The following CALN1 variants were observed in gnomAD, a reference collection of about 807,000 sequenced individuals.
The protein encoded by CALN1 is calcium-binding protein 8.
Under a neutral mutation model 30.6 loss-of-function variants are expected in CALN1, and 17 were observed. That is an observed-to-expected ratio of 0.56 (90% CI 0.38 to 0.83). The LOEUF is 0.83. Ranked by LOEUF, CALN1 falls within the 40% of genes least tolerant of loss-of-function variation. The pLI is 0.00. For missense variants in CALN1, 291 were observed against 354.9 expected (o/e 0.82, Z 1.45); for synonymous variants, 156 against 131.4 (o/e 1.19, Z -1.28).
At chr7:72,149,085 C>G (rs1256483153) in intron 3 of CALN1, among the ~76,000 whole-genome samples, 1 of 152,108 alleles carries the variant, frequency 6.6e-6, no homozygotes, top group Admixed American at 6.6e-5. Context: ...CACCTTCTGC[C>G]ATAAGTATAA....
chr7:72,023,829 G>A, intron 4 of CALN1, 60 bp from the exon 5 acceptor site: 1 of 1,228,910 alleles, frequency 8.1e-7, no homozygotes. Flanking sequence ...TACCGTACCT[G>A]ATGCAATAAA....
intron 3 of CALN1, among the ~76,000 whole-genome samples, chr7:72,138,894 G>A (rs1358276769): frequency 7.1e-6 from 1 of 140,242 alleles, no homozygotes; most frequent in African/African-American, 2.7e-5. Flanking sequence ...TAATGGGCCA[G>A]GACTGCCCAC....
At chr7:72,264,084 C>G (rs1019386740) in intron 3 of CALN1, among the ~76,000 whole-genome samples, 2 of 152,128 alleles carry the variant, frequency 1.3e-5, no homozygotes, top group African/African-American at 4.8e-5. Context: ...TCCACACGAC[C>G]GAGCCAAAAC....
At chr7:72,390,199 G>C (rs561447994) in intron 2 of CALN1, among the ~76,000 whole-genome samples, 1 of 152,030 alleles carries the variant, frequency 6.6e-6, no homozygotes, top group South Asian at 2.1e-4. Context: ...GGGAGGCCGA[G>C]GCGGGTGAAT....
intron 4 of CALN1, among the ~76,000 whole-genome samples, chr7:72,054,008 T>TA (rs1563014656): frequency 6.6e-6 from 1 of 152,168 alleles, no homozygotes; most frequent in African/African-American, 2.4e-5. Flanking sequence ...ATCGTATATA[T>TA]AGATATATAC....
At chr7:72,315,915 G>A (rs1380292902) in intron 2 of CALN1, among the ~76,000 whole-genome samples, 6 of 152,242 alleles carry the variant, frequency 3.9e-5, no homozygotes, top group African/African-American at 1.2e-4. Context: ...GGGAGGCTGA[G>A]GCAGGAGGAT....
At chr7:71,954,594 G>A (rs993073851) in intron 5 of CALN1, among the ~76,000 whole-genome samples, 1 of 152,252 alleles carries the variant, frequency 6.6e-6, no homozygotes, top group Non-Finnish European at 1.5e-5. Flanking sequence ...CATGGCTCCA[G>A]TGAGCTGTGA....
intron 6 of CALN1, among the ~76,000 whole-genome samples, chr7:71,808,368 T>C (rs1280874594): frequency 1.3e-5 from 2 of 151,490 alleles, no homozygotes; most frequent in Non-Finnish European, 2.9e-5. Flanking sequence ...TAATTATTAA[T>C]AAACATTAAT....
chr7:72,464,750 T>G, the CALN1 span, among the ~76,000 whole-genome samples: 1 of 152,238 alleles, frequency 6.6e-6, no homozygotes, highest in African/African-American at 2.4e-5. Context: ...CAGGAGGAAC[T>G]GGCACTGATA....
intron 3 of CALN1, among the ~76,000 whole-genome samples, chr7:72,261,978 G>C (rs569329118): frequency 1.3e-5 from 2 of 152,174 alleles, no homozygotes; most frequent in African/African-American, 4.8e-5. Context: ...CCAGCAACAC[G>C]GATGGTTGGG....
intron 3 of CALN1, among the ~76,000 whole-genome samples, chr7:72,278,019 G>GGGA (rs1797465967): frequency 1.7e-5 from 2 of 118,056 alleles, no homozygotes; most frequent in Non-Finnish European, 1.9e-5. Flanking sequence ...GGGGGGGGGG[G>GGGA]ACTTGTTTTT....
At chr7:71,895,264 A>AT (rs1175829658) in intron 5 of CALN1, among the ~76,000 whole-genome samples, 2 of 151,370 alleles carry the variant, frequency 1.3e-5, no homozygotes, top group African/African-American at 4.9e-5. Context: ...CTTGAATTTC[A>AT]TTTTCAATTT....
At chr7:72,472,223 C>T in the CALN1 span, among the ~76,000 whole-genome samples, 13 of 152,160 alleles carry the variant, frequency 8.5e-5, no homozygotes, top group African/African-American at 3.1e-4. Flanking sequence ...TCACCAAAAC[C>T]TTCCCACCCG....
At chr7:72,021,429 T>C (rs763285275) in intron 5 of CALN1, among the ~76,000 whole-genome samples, 1 of 152,038 alleles carries the variant, frequency 6.6e-6, no homozygotes, top group Non-Finnish European at 1.5e-5. Context: ...TGGGAAACAA[T>C]ATTCCTTCAT....
At chr7:72,088,160 CCT>C (rs1427746699) in intron 4 of CALN1, among the ~76,000 whole-genome samples, 1 of 151,442 alleles carries the variant, frequency 6.6e-6, no homozygotes, top group African/African-American at 2.4e-5. Context: ...AGAGTCAGAC[CCT>C]GTCTCTAAAA....
rs73702930 is a variant in CALN1, at chr7:72,395,112, A to G, written c.119+8139T>C. Among the ~76,000 whole-genome samples the G allele has an allele frequency of 3.0e-3, 456 of 152,092 alleles. 1 individual carries two copies. Among genetic ancestry groups the G allele is most frequent in the African/African-American group, 0.01 (416 of 41,464 alleles). Reference sequence around the variant, plus strand: ...GTAAGTACTAACCTACCTCCCCAAGACCCTGTAGACTGCATGAGGAAAGGA... The same window carrying G: ...GTAAGTACTAACCTACCTCCCCAAGGCCCTGTAGACTGCATGAGGAAAGGA... On this transcript the variant is annotated intron_variant, in intron 2 of 6. Coordinates refer to ENST00000395275, the MANE Select transcript of CALN1 (RefSeq NM_031468.4).
intron 5 of CALN1, among the ~76,000 whole-genome samples, chr7:72,000,932 C>A (rs186244614): frequency 8.8e-4 from 134 of 152,220 alleles, no homozygotes; most frequent in Middle Eastern, 3.4e-3. Context: ...AGGTGATGGG[C>A]AGGTAGTTGT....
intron 2 of CALN1, among the ~76,000 whole-genome samples, chr7:72,291,553 C>T (rs1037986150): frequency 1.3e-5 from 2 of 152,250 alleles, no homozygotes; most frequent in Non-Finnish European, 2.9e-5. Context: ...TCCCCTGGAA[C>T]ACTGGCTTAG....
At chr7:71,981,691 G>C (rs1247422989) in intron 5 of CALN1, among the ~76,000 whole-genome samples, 1 of 151,922 alleles carries the variant, frequency 6.6e-6, no homozygotes, top group African/African-American at 2.4e-5. Flanking sequence ...AAAAACAAGA[G>C]GACAGGGTTC....
Sources: gnomAD v4.1 joint callset for allele counts (sites outside exome capture counted in the v4.1 genomes callset) on GRCh38, gnomAD v4.1.1 for gene constraint, MANE v1.5 for transcripts, NCBI Gene and HGNC (gene_info 2026-07-23, HGNC 2026-07-21) for gene names.